TMIGD3: variants seen among roughly 807,000 people sequenced by gnomAD.
TMIGD3 encodes transmembrane and immunoglobulin domain containing 3, also known as AD026 protein (AD026).
In TMIGD3, 21 loss-of-function variants were observed where a neutral mutation model predicts 28.1. That is an observed-to-expected ratio of 0.75 (90% CI 0.53 to 1.08). The LOEUF is 1.08. Ranked by LOEUF, TMIGD3 falls within the 50% of genes least tolerant of loss-of-function variation. The probability of loss-of-function intolerance (pLI) is 0.00; values close to 1 mark genes in which losing one functional copy is unlikely to be tolerated. For missense variants in TMIGD3, 416 were observed against 435.6 expected (o/e 0.96, Z 0.40); for synonymous variants, 151 against 162.1 (o/e 0.93, Z 0.52).
At chr1:111,495,205 T>C (rs938523986) in intron 1 of TMIGD3, among the ~76,000 whole-genome samples, 2 of 152,040 alleles carry the variant, frequency 1.3e-5, no homozygotes, top group Admixed American at 1.3e-4. Context: ...GAAAAGTATT[T>C]GCGAACTATT....
Position 111,503,163 on chromosome 1 carries a change from C to T in TMIGD3, c.192G>A (p.Leu64=), listed in dbSNP as rs1306041456. Reference sequence around the variant, plus strand: ...TGACAACAATGGCCAAAGGCATGACCAGCACCCCAACAGCAATGTCAGCCA... The same window carrying T: ...TGACAACAATGGCCAAAGGCATGACTAGCACCCCAACAGCAATGTCAGCCA... ...LALADIAVGV[L]VMPLAIVVSL... is the part of the protein sequence containing the mutation. Residue 64 remains leucine, a synonymous_variant, in exon 1 of 6, where the codon CTG becomes CTA. Transcript: ENST00000369716. 4 of 1,614,118 alleles carry T rather than the reference C, an allele frequency of 2.5e-6. No individual in the cohort carries two copies. The highest frequency in any genetic ancestry group is 3.4e-6 in the Non-Finnish European group (4 of 1,180,048).
Position 111,485,736 on chromosome 1 carries a change from T to G in TMIGD3, c.973+4A>C. ...CACCCCCTCCCTCAACAATAGCTAC[T>G]TACCCCTTCTATTCCTTTGACTTCT... On this transcript the variant is annotated splice_donor_region_variant and intron_variant, in intron 5 of 5. Transcript: ENST00000369716. 1 of 609,606 alleles carries G rather than the reference T, an allele frequency of 1.6e-6. No homozygotes were observed. Among genetic ancestry groups the G allele is most frequent in the Non-Finnish European group, 3.1e-6 (1 of 326,460 alleles). The allele number at this position is 609,606 out of a possible 1,614,324, so 37.8% of individuals were successfully genotyped here.
intron 1 of TMIGD3, among the ~76,000 whole-genome samples, chr1:111,547,604 G>A (rs1657083706): frequency 6.6e-6 from 1 of 152,172 alleles, no homozygotes; most frequent in Non-Finnish European, 1.5e-5. Flanking sequence ...CTGGAAATCT[G>A]ACGTCAATGC....
chr1:111,501,680 G>T (rs1344649847), intron 1 of TMIGD3, among the ~76,000 whole-genome samples: 1 of 152,160 alleles, frequency 6.6e-6, no homozygotes, highest in Admixed American at 6.5e-5. Flanking sequence ...AACAAGGTAA[G>T]TCTGAGTTCC....
In TMIGD3 at chr1:111,488,933, G is replaced by A. The variant is rs772657461; in HGVS notation, c.549C>T (p.His183=). 6.2e-7 allele frequency: 1 copy of A among 1,614,060 alleles called. No individual in the cohort carries two copies. Among genetic ancestry groups the A allele is most frequent in the African/African-American group, 1.3e-5 (1 of 74,910 alleles). Residue 183 remains histidine, a synonymous_variant, in exon 3 of 6, where the codon CAC becomes CAT. Coordinates refer to ENST00000369716, the MANE Select transcript of TMIGD3 (RefSeq NM_020683.7). ...ICNYNAHYKN[H]PKYWCRGYFR... ...AATAGCCTCGGCACCAGTATTTGGG[G>A]TGATTCTTGTAGTGGGCATTGTAGT...
chr1:111,504,296 C>G (rs1461742575), upstream of TMIGD3, among the ~76,000 whole-genome samples: 1 of 152,220 alleles, frequency 6.6e-6, no homozygotes, highest in African/African-American at 2.4e-5. Context: ...TGAGGAACGA[C>G]AGAATAGCAG....
At chr1:111,556,342 A>T (rs908036890) in intron 1 of TMIGD3, among the ~76,000 whole-genome samples, 1 of 152,218 alleles carries the variant, frequency 6.6e-6, no homozygotes, top group Non-Finnish European at 1.5e-5. Context: ...AAAATTGTAC[A>T]AGTGCTATAT....
intron 1 of TMIGD3, among the ~76,000 whole-genome samples, chr1:111,554,175 A>G (rs1337192502): frequency 6.6e-6 from 1 of 152,242 alleles, no homozygotes; most frequent in Non-Finnish European, 1.5e-5. Context: ...TATAATGATA[A>G]TACCTATCTC....
At chr1:111,546,657 T>C (rs573643830) in intron 1 of TMIGD3, among the ~76,000 whole-genome samples, 1 of 152,330 alleles carries the variant, frequency 6.6e-6, no homozygotes, top group East Asian at 1.9e-4. Flanking sequence ...ACATTTTGTT[T>C]ATCAATTCAT....
intron 1 of TMIGD3, among the ~76,000 whole-genome samples, chr1:111,517,109 G>A (rs2786990): frequency 0.013 from 1,976 of 152,194 alleles, 17 homozygotes; most frequent in Middle Eastern, 0.02. Flanking sequence ...TCATGCTTGC[G>A]CATGTGTACA....
chr1:111,499,686 A>G, intron 1 of TMIGD3: 1 of 1,244,908 alleles, frequency 8.0e-7, no homozygotes, highest in Non-Finnish European at 1.0e-6. Context: ...GGAAGAAGGA[A>G]AACAGACAAT....
chr1:111,549,211 C>A (rs1289170118), intron 1 of TMIGD3, among the ~76,000 whole-genome samples: 1 of 151,672 alleles, frequency 6.6e-6, no homozygotes, highest in African/African-American at 2.4e-5. Flanking sequence ...TAGGAAGTAT[C>A]CCCTGCCCTT....
upstream of TMIGD3, among the ~76,000 whole-genome samples, chr1:111,508,290 C>A (rs1655580904): frequency 6.6e-6 from 1 of 152,234 alleles, no homozygotes; most frequent in South Asian, 2.1e-4. Flanking sequence ...AGTGAGGAAG[C>A]GTTTCAGCTG....
In TMIGD3 at chr1:111,533,270, C is replaced by T. The variant is rs115689533; in HGVS notation, c.107+30576G>A. On this transcript the variant is annotated intron_variant, in intron 1 of 5. Transcript: ENST00000369717. ...CTGACAGTGTTAAATATCCAAATTCCTCACCATACCTTGATTCCTGGAAAT... is the reference window on the plus strand; with the variant it reads ...CTGACAGTGTTAAATATCCAAATTCTTCACCATACCTTGATTCCTGGAAAT... 5.6e-3 allele frequency among the ~76,000 whole-genome samples: 855 copies of T among 152,266 alleles called. 7 individuals carry two copies. Among genetic ancestry groups the T allele is most frequent in the African/African-American group, 0.019 (799 of 41,546 alleles).
chr1:111,502,114 A>T (rs1275044302), intron 1 of TMIGD3, among the ~76,000 whole-genome samples: 2 of 106,636 alleles, frequency 1.9e-5, no homozygotes, highest in East Asian at 2.4e-4. Flanking sequence ...ATTTAATATA[A>T]TAAATATATA....
In TMIGD3 at chr1:111,483,552, A is replaced by G. The variant is rs975507286; in HGVS notation, c.*135T>C. ...TACCGCCGTTGCTACCTGGCTGCAA[A>G]TGATTGTTGTCAAGGATAGAGGGTC... On this transcript the variant is annotated 3_prime_UTR_variant, in exon 6 of 6. Coordinates refer to ENST00000369716, the MANE Select transcript of TMIGD3 (RefSeq NM_020683.7). 16 of 787,272 alleles carry G rather than the reference A, an allele frequency of 2.0e-5. No homozygotes were observed. The African/African-American group carries it at 2.4e-4, about 12-fold the overall frequency. 48.8% of individuals were successfully genotyped at this position (787,272 alleles called of 1,614,324 possible).
intron 1 of TMIGD3, among the ~76,000 whole-genome samples, chr1:111,527,419 T>TAAACAA (rs1656305577): frequency 6.6e-6 from 1 of 152,244 alleles, no homozygotes; most frequent in African/African-American, 2.4e-5. Flanking sequence ...CTGTAAAACA[T>TAAACAA]CTTGTTTACT....
In TMIGD3 at chr1:111,483,457, A is replaced by G. The variant is rs907232395; in HGVS notation, c.*230T>C. ...TCACTTCTGACTGATGGAATGCATA[A>G]GAACTAAGATCTTGAGATGTTATTT... is the stretch of plus-strand genomic sequence containing the variant. On this transcript the variant is annotated 3_prime_UTR_variant, in exon 6 of 6. Transcript: ENST00000369716. 8.0e-6 allele frequency: 4 copies of G among 499,736 alleles called. No homozygotes were observed. In the East Asian group the frequency reaches 1.4e-4, roughly 18 times the overall value. The allele number at this position is 499,736 out of a possible 1,614,324, so 31.0% of individuals were successfully genotyped here.
At chr1:111,536,151 T>C (rs551237501) in intron 1 of TMIGD3, among the ~76,000 whole-genome samples, 1 of 152,144 alleles carries the variant, frequency 6.6e-6, no homozygotes, top group Non-Finnish European at 1.5e-5. Context: ...CTTTAGCTTC[T>C]CCTGTGCCTC....
Sources: allele counts gnomAD v4.1 joint callset (sites outside exome capture counted in the v4.1 genomes callset), GRCh38; gene constraint gnomAD v4.1.1; transcripts MANE v1.5; gene names NCBI Gene and HGNC (gene_info 2026-07-23, HGNC 2026-07-21).